NDST4: variants seen among roughly 807,000 people sequenced by gnomAD.
The protein encoded by NDST4 is N-deacetylase and N-sulfotransferase 4.
A neutral mutation model predicts 100.8 loss-of-function variants in NDST4; 63 were observed. The ratio of observed to expected loss-of-function variants is 0.62; its 90% CI spans 0.51 to 0.77. The LOEUF (loss-of-function observed/expected upper bound fraction) is 0.77, where lower values mean the gene tolerates loss of function less well. NDST4 is among the 30% of genes least tolerant of loss of function. NDST4 has a pLI of 0.00. For synonymous variants in NDST4, 377 were observed against 361.8 expected (o/e 1.04, Z -0.48); for missense variants, 943 against 1,018.4 (o/e 0.93, Z 1.01).
At chr4:115,075,876 G>GGT (rs923500261) in intron 2 of NDST4, among the ~76,000 whole-genome samples, 183 bp downstream of exon 2, 12 of 151,348 alleles carry the variant, frequency 7.9e-5, no homozygotes, top group African/African-American at 2.9e-4. Flanking sequence ...TGAAGCTTCT[G>GGT]GTGTGTGTAT....
intron 2 of NDST4, 51 bp downstream of exon 2, chr4:115,076,008 G>T (rs570741): frequency 3.9e-6 from 6 of 1,523,630 alleles, no homozygotes; most frequent in East Asian, 2.3e-5. Context: ...ATATTTTATC[G>T]GTACCATATT....
chr4:114,908,426 A>T, intron 6 of NDST4, among the ~76,000 whole-genome samples: 1 of 152,170 alleles, frequency 6.6e-6, no homozygotes, highest in Non-Finnish European at 1.5e-5. Context: ...AAATCATATC[A>T]GTCGAATTTA....
intron 7 of NDST4, among the ~76,000 whole-genome samples, chr4:114,856,902 G>A (rs1723809210): frequency 1.3e-5 from 2 of 152,226 alleles, no homozygotes; most frequent in Admixed American, 1.3e-4. Flanking sequence ...ATAGCAAAGT[G>A]TAAGTTGTAC....
intron 7 of NDST4, among the ~76,000 whole-genome samples, chr4:114,862,866 T>C (rs531482849): frequency 6.6e-6 from 1 of 152,300 alleles, no homozygotes; most frequent in South Asian, 2.1e-4. Flanking sequence ...AATATTTTTA[T>C]TACTAACAAC....
chr4:114,968,361 G>A (rs1726431295), intron 4 of NDST4, among the ~76,000 whole-genome samples: 1 of 152,178 alleles, frequency 6.6e-6, no homozygotes, highest in Non-Finnish European at 1.5e-5. Context: ...CAAACCCTTT[G>A]TGATTGTATG....
chr4:114,929,113 C>CATCCATCCATCT lies in NDST4; in HGVS notation c.1536+6092_1536+6093insAGATGGATGGAT, dbSNP rs1578395038. Among the ~76,000 whole-genome samples, 463 of 117,338 alleles carry CATCCATCCATCT rather than the reference C, an allele frequency of 3.9e-3. 2 individuals are homozygous for CATCCATCCATCT. The highest frequency in any genetic ancestry group is 8.2e-3 in the East Asian group (33 of 4,046). The allele number at this position is 117,338 out of a possible 152,430, so 77.0% of individuals were successfully genotyped here. On this transcript the variant is annotated intron_variant, in intron 6 of 13. Coordinates refer to ENST00000264363, the MANE Select transcript of NDST4 (RefSeq NM_022569.3). Reference sequence around the variant, plus strand: ...CCATCCATCCATCCATCCATCCATCCATCTATCTATCTATCTATCTATCTA... The same window carrying CATCCATCCATCT: ...CCATCCATCCATCCATCCATCCATCCATCCATCCATCTATCTATCTATCTATCTATCTATCTA...
intron 7 of NDST4, among the ~76,000 whole-genome samples, chr4:114,864,819 C>A (rs1213889167): frequency 6.6e-6 from 1 of 152,228 alleles, no homozygotes; most frequent in East Asian, 1.9e-4. Context: ...TAATGCCAAC[C>A]TCTGGGGGTA....
Position 114,865,682 on chromosome 4 carries a change from G to C in NDST4, c.1719+5086C>G, listed in dbSNP as rs567998354. ...GCCACTTTATTTTATTTTCAAGGGA[G>C]CTATCTGCAAGTAATTTTTTTTATG... On this transcript the variant is annotated intron_variant, in intron 7 of 13. Transcript: ENST00000264363. 5.4e-5 allele frequency among the ~76,000 whole-genome samples: 8 copies of C among 148,622 alleles called. No individual in the cohort carries two copies. The East Asian group carries it at 1.4e-3, about 25-fold the overall frequency.
intron 6 of NDST4, among the ~76,000 whole-genome samples, chr4:114,912,523 C>G (rs886777325): frequency 6.6e-6 from 1 of 152,024 alleles, no homozygotes; most frequent in Non-Finnish European, 1.5e-5. Context: ...CAGTTAAACC[C>G]GAATGCAGGT....
At chr4:115,037,919 TAAC>T (rs1260023085) in intron 2 of NDST4, among the ~76,000 whole-genome samples, 1 of 152,074 alleles carries the variant, frequency 6.6e-6, no homozygotes, top group Non-Finnish European at 1.5e-5. Flanking sequence ...TATGGCAAAA[TAAC>T]AAACTTTAAG....
At position 114,970,445 on chromosome 4, in the gene NDST4, G is replaced by A. The variant is rs773285404; in HGVS notation, c.1206C>T (p.Asn402=). The change falls in exon 4 of 14, where the codon AAC becomes AAT. Residue 402 remains asparagine (N), a synonymous_variant. Coordinates refer to ENST00000264363, the MANE Select transcript of NDST4 (RefSeq NM_022569.3). ...ATGTGCTCACCAGTGCAAATTCCTT[G>A]TTGAGAATCATCTGCTCTACTAAAG... ...ESSLVEQMIL[N]KEFALEHGIP... The A allele has an allele frequency of 2.5e-6, 4 of 1,613,388 alleles. No homozygotes were observed. Among genetic ancestry groups the A allele is most frequent in the Non-Finnish European group, 3.4e-6 (4 of 1,179,670 alleles).
chr4:115,016,049 G>A (rs148990575), intron 2 of NDST4, among the ~76,000 whole-genome samples: 196 of 152,052 alleles, frequency 1.3e-3, no homozygotes, highest in African/African-American at 4.2e-3. Flanking sequence ...ACTACCATCC[G>A]TGAACTTTTA....
intron 6 of NDST4, among the ~76,000 whole-genome samples, chr4:114,893,585 T>C (rs1006643895): frequency 6.6e-6 from 1 of 151,810 alleles, no homozygotes; most frequent in African/African-American, 2.4e-5. Context: ...CACTTTCTGA[T>C]GTGTTTTTTT....
At chr4:115,057,769 C>A (rs1390823041) in intron 2 of NDST4, among the ~76,000 whole-genome samples, 2 of 150,872 alleles carry the variant, frequency 1.3e-5, no homozygotes, top group Non-Finnish European at 3.0e-5. Flanking sequence ...CCAAAAAGGG[C>A]AGTGTTCAGA....
chr4:115,063,281 T>C (rs1728862192), intron 2 of NDST4, among the ~76,000 whole-genome samples: 1 of 151,970 alleles, frequency 6.6e-6, no homozygotes, highest in Non-Finnish European at 1.5e-5. Context: ...GTAGAAATCA[T>C]CAATCCCAGC....
chr4:115,041,836 A>G (rs1728359052), intron 2 of NDST4, among the ~76,000 whole-genome samples: 1 of 152,066 alleles, frequency 6.6e-6, no homozygotes, highest in Non-Finnish European at 1.5e-5. Flanking sequence ...TCAGATATTT[A>G]TGAAGGTAAT....
intron 2 of NDST4, among the ~76,000 whole-genome samples, chr4:115,063,158 T>G (rs1728859777): frequency 6.6e-6 from 1 of 151,994 alleles, no homozygotes; most frequent in Admixed American, 6.6e-5. Flanking sequence ...TCTTTTAAGT[T>G]ATAGAAATTG....
chr4:115,053,149 T>C (rs1183476278), intron 2 of NDST4, among the ~76,000 whole-genome samples: 4 of 152,098 alleles, frequency 2.6e-5, no homozygotes, highest in Non-Finnish European at 5.9e-5. Flanking sequence ...TAAAACTGAA[T>C]GAAACATGTT....
chr4:114,980,152 T>G (rs1726735292), intron 2 of NDST4, among the ~76,000 whole-genome samples: 2 of 152,190 alleles, frequency 1.3e-5, no homozygotes, highest in South Asian at 4.1e-4. Flanking sequence ...GATATAAATT[T>G]AAGAATAAAT....
Sources: allele counts gnomAD v4.1 joint callset (sites outside exome capture counted in the v4.1 genomes callset), GRCh38; gene constraint gnomAD v4.1.1; transcripts MANE v1.5; gene names NCBI Gene and HGNC (gene_info 2026-07-23, HGNC 2026-07-21).